The following PLEC variants were observed in gnomAD, a reference collection of about 807,000 sequenced individuals.
PLEC encodes plectin.
Under a neutral mutation model 392.8 loss-of-function variants are expected in PLEC, and 216 were observed. The observed-to-expected ratio is 0.55, with a 90% CI of 0.49 to 0.62. The LOEUF (loss-of-function observed/expected upper bound fraction) is 0.62, where lower values mean the gene tolerates loss of function less well. PLEC is among the 20% of genes least tolerant of loss of function. PLEC has a pLI of 0.00. For missense variants in PLEC, 6,863 were observed against 6,563.4 expected (o/e 1.05, Z -1.58); for synonymous variants, 3,621 against 2,980.6 (o/e 1.21, Z -7.00).
At chr8:143,975,273 G>A (rs1833620183), upstream of PLEC, 3 of 1,609,630 alleles carry the variant, frequency 1.9e-6, no homozygotes, top group East Asian at 2.2e-5. This position sits in a 1 kb window ranked among gnomAD's most constrained non-coding sequence, Gnocchi z 9.9. Flanking sequence ...GTTTTCCCAA[G>A]GTTCCAGGGC....
intron 12 of PLEC, 33 bp downstream of exon 12, chr8:143,933,965 C>G: frequency 6.4e-7 from 1 of 1,569,238 alleles, no homozygotes; most frequent in Non-Finnish European, 8.7e-7. Flanking sequence ...TCCGGCCTCC[C>G]TCCCGCCCAC....
chr8:143,928,729 C>T (rs1196258419), intron 25 of PLEC, among the ~76,000 whole-genome samples: 1 of 152,154 alleles, frequency 6.6e-6, no homozygotes, highest in Non-Finnish European at 1.5e-5. Flanking sequence ...GAAATAAATG[C>T]CAGAGGCCCT....
chr8:143,924,219 T>C lies in PLEC; in HGVS notation c.5710A>G (p.Ser1904Gly). ...RLAQLRKASDSELERQKGLVE... is the reference protein window; with the variant it reads ...RLAQLRKASDGELERQKGLVE... ...AGCCCCTTCTGCCGCTCCAGCTCGC[T>C]GTCCGATGCCTTGCGCAGCTGGGCC... The change falls in exon 31 of 32, where the codon AGC (serine) becomes GGC (glycine). Residue 1904 changes from serine to glycine, a missense_variant. Physicochemically the swap from Ser to Gly is moderately conservative, Grantham distance 56. Coordinates refer to ENST00000345136, the MANE Select transcript of PLEC (RefSeq NM_201384.3). 1 of 1,598,634 alleles carries C rather than the reference T, an allele frequency of 6.3e-7. No homozygotes were observed. The highest frequency in any genetic ancestry group is 8.5e-7 in the Non-Finnish European group (1 of 1,179,468).
At position 143,973,489 on chromosome 8, in the gene PLEC, C is replaced by CGCGGGGT. The variant is rs1554745020; in HGVS notation, c.-24_-18dup. ...GCCGGCCATGCCGGCGGGCGCGGGG[C>CGCGGGGT]GCGGGGTGCAGCGGAGCCTCCAGCA... On this transcript the variant is annotated 5_prime_UTR_variant, in exon 1 of 32. Transcript: ENST00000356346. This position sits in a 1 kb window ranked among gnomAD's most constrained non-coding sequence, Gnocchi z 5.6. The CGCGGGGT allele has an allele frequency of 1.3e-6, 2 of 1,501,862 alleles. No individual in the cohort carries two copies. The highest frequency in any genetic ancestry group is 1.8e-6 in the Non-Finnish European group (2 of 1,124,372). 93.0% of individuals were successfully genotyped at this position (1,501,862 alleles called of 1,614,324 possible).
intron 1 of PLEC, among the ~76,000 whole-genome samples, chr8:143,960,403 G>T (rs1343466447): frequency 6.6e-6 from 1 of 151,450 alleles, no homozygotes; most frequent in Non-Finnish European, 1.5e-5. Context: ...GATCACCTGA[G>T]GTCAGAAGTT....
chr8:143,938,506 G>C (rs146284990), intron 2 of PLEC, 125 bp downstream of exon 2: 2 of 1,561,896 alleles, frequency 1.3e-6, no homozygotes, highest in South Asian at 2.2e-5. Flanking sequence ...GAAAATAACA[G>C]GTTTCAGAGA....
In PLEC at chr8:143,925,777, T is replaced by TGCCTTTG; in HGVS notation, c.4145_4151dup (p.Gln1385LysfsTer62). 1.3e-6 allele frequency: 2 copies of TGCCTTTG among 1,588,098 alleles called. No individual in the cohort carries two copies. Among genetic ancestry groups the TGCCTTTG allele is most frequent in the Non-Finnish European group, 1.7e-6 (2 of 1,174,498 alleles). On this transcript the variant is annotated frameshift_variant, in exon 31 of 32. Transcript: ENST00000345136. LOFTEE classifies it high-confidence loss of function. ...GCTCCTTCGCCTCCCGCTCCGCCTG[T>TGCCTTTG]GCCTTTGCCTGGGCGTGCGCCTCGG...
At chr8:143,949,531 C>T (rs530969941) in intron 1 of PLEC, among the ~76,000 whole-genome samples, 1 of 152,256 alleles carries the variant, frequency 6.6e-6, no homozygotes, top group African/African-American at 2.4e-5. Flanking sequence ...TGGTTCGTAC[C>T]GGGAAAGGCC....
chr8:143,943,105 C>T (rs1030523389), upstream of PLEC, among the ~76,000 whole-genome samples: 1 of 152,218 alleles, frequency 6.6e-6, no homozygotes, highest in Non-Finnish European at 1.5e-5. Flanking sequence ...CCTAGAAGCC[C>T]CATCTTGACT....
At position 143,932,021 on chromosome 8, in the gene PLEC, C is replaced by A. The variant is rs373347166; in HGVS notation, c.2094G>T (p.Ala698=). 1.6e-5 allele frequency: 25 copies of A among 1,601,814 alleles called. No individual in the cohort carries two copies. The South Asian group carries it at 2.0e-4, about 13-fold the overall frequency. ...TCCAGCTCCACTGCGTCTGCAGGGC[C>A]GCCTGGAAGGACTGCGGGACAGCAG... ...PARPTVESFQ[A]ALQTQWSWML... is the part of the protein sequence containing the mutation. Residue 698 remains alanine (A), a synonymous_variant, in exon 18 of 32, where the codon GCG becomes GCT. Transcript: ENST00000345136.
intron 1 of PLEC, among the ~76,000 whole-genome samples, chr8:143,945,500 C>T (rs1300925670): frequency 6.6e-6 from 1 of 152,202 alleles, no homozygotes; most frequent in Non-Finnish European, 1.5e-5. Flanking sequence ...TCCTGGGACC[C>T]CTGTCTGCTG....
In PLEC at chr8:143,926,789, C is replaced by T; in HGVS notation, c.4039G>A (p.Glu1347Lys). Residue 1347 changes from glutamate (E) to lysine (K), a missense_variant, in exon 30 of 32, where the codon GAG (glutamate) becomes AAG (lysine). Coordinates refer to ENST00000345136, the MANE Select transcript of PLEC (RefSeq NM_201384.3). ...ISETLRRMEE[E>K]ERLAEQQRAE... ...CTCCGCCCAACGGGCTGTACCTCCT[C>T]CTCCTCCATGCGCCGCAGAGTCTCG... The T allele has an allele frequency of 1.9e-6, 3 of 1,613,274 alleles. No homozygotes were observed. The highest frequency in any genetic ancestry group is 1.1e-5 in the South Asian group (1 of 91,086).
rs1237174621 is a variant in PLEC at position 143,922,878 on chromosome 8, C to G, written c.7051G>C (p.Glu2351Gln). The change falls in exon 31 of 32, where the codon GAG (glutamate) becomes CAG (glutamine). Residue 2351 changes from glutamate (E) to glutamine (Q), a missense_variant. Coordinates refer to ENST00000345136, the MANE Select transcript of PLEC (RefSeq NM_201384.3). ...TCCGCCAGCTGCTGCGCCATCTGCT[C>G]CTTGTCCTCCTGCAGCCGCCGCGCC... ...EQARRLQEDKEQMAQQLAEET... is the reference protein window; with the variant it reads ...EQARRLQEDKQQMAQQLAEET... 1 of 1,582,554 alleles carries G rather than the reference C, an allele frequency of 6.3e-7. No individual in the cohort carries two copies. The highest frequency in any genetic ancestry group is 1.8e-5 in the Admixed American group (1 of 55,614).
Position 143,924,282 on chromosome 8 carries a change from G to T in PLEC, c.5647C>A (p.Gln1883Lys). 6.3e-7 allele frequency: 1 copy of T among 1,595,406 alleles called. No individual in the cohort carries two copies. Among genetic ancestry groups the T allele is most frequent in the Non-Finnish European group, 8.5e-7 (1 of 1,178,272 alleles). Reference protein sequence around the residue: ...EAFQRRRLEEQAAQHKADIEE... With the variant: ...EAFQRRRLEEKAAQHKADIEE... ...ATGTCAGCCTTGTGTTGCGCGGCCT[G>T]CTCCTCCAGCCGCCGCCGCTGGAAG... Residue 1883 changes from glutamine to lysine, a missense_variant, in exon 31 of 32, where the codon CAG becomes AAG. Transcript: ENST00000345136.
chr8:143,944,963 C>T (rs1831223588), intron 1 of PLEC, among the ~76,000 whole-genome samples: 1 of 152,070 alleles, frequency 6.6e-6, no homozygotes, highest in Admixed American at 6.5e-5. Context: ...CCACCCGACA[C>T]CTCGGTCCCC....
upstream of PLEC, among the ~76,000 whole-genome samples, chr8:143,940,792 C>T (rs1365258902): frequency 1.3e-5 from 2 of 152,192 alleles, no homozygotes; most frequent in African/African-American, 4.8e-5. Context: ...GTGCCCAAAC[C>T]CCTCAGAGGT....
Position 143,915,917 on chromosome 8 carries a change from C to A in PLEC, c.*260G>T. On this transcript the variant is annotated 3_prime_UTR_variant, in exon 32 of 32. Transcript: ENST00000345136. ...GGGCCCAGCTTGGGACCCTCCAAGG[C>A]ACCTGGCTGTGTGAGTGGCAGGTAG... 1 of 345,614 alleles carries A rather than the reference C, an allele frequency of 2.9e-6. No individual in the cohort carries two copies. The highest frequency in any genetic ancestry group is 5.2e-6 in the Non-Finnish European group (1 of 191,202). The allele number at this position is 345,614 out of a possible 1,614,324, so 21.4% of individuals were successfully genotyped here.
rs781928472 is a variant in PLEC at position 143,917,709 on chromosome 8, G to A, written c.12112C>T (p.His4038Tyr). 1.2e-6 allele frequency: 2 copies of A among 1,613,550 alleles called. No individual in the cohort carries two copies. The highest frequency in any genetic ancestry group is 1.7e-6 in the Non-Finnish European group (2 of 1,180,004). Residue 4038 changes from histidine (H) to tyrosine (Y), a missense_variant, in exon 32 of 32, where the codon CAT becomes TAT. Physicochemically the swap from His to Tyr is moderately conservative, Grantham distance 83. Transcript: ENST00000345136. ...TGGGCCTCCAGCAGGCGGATGCCAT[G>A]GTCCTTCAGGATCAGGCCCTTCTTC... Reference protein sequence around the residue: ...AMKKGLILKDHGIRLLEAQIA... With the variant: ...AMKKGLILKDYGIRLLEAQIA...
In PLEC at chr8:143,919,016, G is replaced by T; in HGVS notation, c.10805C>A (p.Ala3602Asp). The T allele has an allele frequency of 1.9e-6, 3 of 1,611,242 alleles. No individual in the cohort carries two copies. Among genetic ancestry groups the T allele is most frequent in the Non-Finnish European group, 2.5e-6 (3 of 1,180,010 alleles). The stretch of plus-strand genomic sequence containing the variant: ...GGCCTGGAAGTCAGCCATCAGCTGG[G>T]CCCGCTGCTCCTCGGGGATCAGGTC... Reference protein sequence around the residue: ...QSDLIPEEQRAQLMADFQAGR... With the variant: ...QSDLIPEEQRDQLMADFQAGR... The change falls in exon 32 of 32, where the codon GCC becomes GAC. Residue 3602 changes from alanine (A) to aspartate (D), a missense_variant. Transcript: ENST00000345136.
Sources: allele counts gnomAD v4.1 joint callset (sites outside exome capture counted in the v4.1 genomes callset), GRCh38; gene constraint gnomAD v4.1.1; non-coding constraint Gnocchi (gnomAD v3.1); transcripts MANE v1.5; gene names NCBI Gene and HGNC (gene_info 2026-07-23, HGNC 2026-07-21).